Variants in SLC25A48 observed in about 807,000 individuals in gnomAD.
SLC25A48 encodes the protein CTC-321K16.1.
In SLC25A48, 29 loss-of-function variants were observed where a neutral mutation model predicts 32.2. That is an observed-to-expected ratio of 0.90 (90% confidence interval 0.67 to 1.23). SLC25A48 has a LOEUF of 1.23. SLC25A48 is among the 50% of genes most tolerant of loss of function. The pLI is 0.00. For synonymous variants in SLC25A48, 164 were observed against 172.3 expected, an observed-to-expected ratio of 0.95 and a Z score of 0.38; for missense variants, 399 against 422.7, an observed-to-expected ratio of 0.94 and a Z score of 0.49.
intron 2 of SLC25A48, among the ~76,000 whole-genome samples, chr5:135,849,728 T>C (rs1759683605): frequency 6.6e-6 from 1 of 152,108 alleles, no homozygotes; most frequent in South Asian, 2.1e-4. Flanking sequence ...AGGAAGAGCC[T>C]TCCAGAAGTG....
chr5:135,697,746 C>T (rs1754301117), intron 3 of SLC25A48, among the ~76,000 whole-genome samples: 2 of 152,190 alleles, frequency 1.3e-5, no homozygotes, highest in South Asian at 4.1e-4. Context: ...GCAGCCTTCT[C>T]CCAGGGCCTG....
At chr5:135,818,865 A>G (rs1430047202) in intron 4 of SLC25A48, among the ~76,000 whole-genome samples, 1 of 152,226 alleles carries the variant, frequency 6.6e-6, no homozygotes, top group Non-Finnish European at 1.5e-5. Flanking sequence ...GAAGTTCTCA[A>G]TAGAGAAATA....
At chr5:135,656,869 G>C (rs540158688) in intron 3 of SLC25A48, among the ~76,000 whole-genome samples, 1 of 152,300 alleles carries the variant, frequency 6.6e-6, no homozygotes, top group South Asian at 2.1e-4. Context: ...ATGTTTCTGA[G>C]GGACCAAGGC....
intron 3 of SLC25A48, among the ~76,000 whole-genome samples, chr5:135,732,736 C>T (rs544065729): frequency 5.0e-4 from 76 of 152,210 alleles, no homozygotes; most frequent in African/African-American, 1.8e-3. Context: ...TTCCTTGGTG[C>T]AAGAACCATT....
chr5:135,834,916 C>A (rs1424690095), intron 1 of SLC25A48, 23 bp downstream of exon 1: 4 of 1,597,448 alleles, frequency 2.5e-6, no homozygotes, highest in East Asian at 2.3e-5. Context: ...ACCGGGGACC[C>A]CCGGTCAGAG....
intron 3 of SLC25A48, among the ~76,000 whole-genome samples, chr5:135,776,265 C>A (rs1185041677): frequency 7.8e-6 from 1 of 127,752 alleles, no homozygotes; most frequent in Admixed American, 8.1e-5. Flanking sequence ...TTCCTCATAT[C>A]TGGGGGGTGG....
chr5:135,789,572 C>T (rs1395460348), intron 3 of SLC25A48, among the ~76,000 whole-genome samples: 3 of 151,366 alleles, frequency 2.0e-5, no homozygotes, highest in South Asian at 4.2e-4. Flanking sequence ...CAACCCTGTG[C>T]GATATGGTTT....
intron 3 of SLC25A48, among the ~76,000 whole-genome samples, chr5:135,703,791 G>A (rs1165097267): frequency 6.6e-6 from 1 of 152,180 alleles, no homozygotes; most frequent in Admixed American, 6.5e-5. Flanking sequence ...TGTGTGCCCA[G>A]CACTCAGCAT....
intron 2 of SLC25A48, among the ~76,000 whole-genome samples, chr5:135,847,901 T>A (rs1759547520): frequency 6.6e-6 from 1 of 152,194 alleles, no homozygotes. Flanking sequence ...GGTAATTTGT[T>A]ACAGCAGCAA....
intron 4 of SLC25A48, among the ~76,000 whole-genome samples, chr5:135,862,038 T>C (rs1423622079): frequency 1.3e-5 from 2 of 152,236 alleles, no homozygotes; most frequent in East Asian, 3.8e-4. Context: ...AAAAAACCCT[T>C]CCTTTTAAAA....
chr5:135,801,161 ATACCCTCTGTGATATTG>A (rs1461078175), intron 3 of SLC25A48, among the ~76,000 whole-genome samples: 3 of 151,180 alleles, frequency 2.0e-5, no homozygotes, highest in Admixed American at 6.6e-5. Context: ...CAGAAGGTGT[ATACCCTCTGTGATATTG>A]TTTGTAATAT....
intron 7 of SLC25A48, chr5:135,883,369 C>A (rs1413678251): frequency 2.0e-6 from 2 of 985,498 alleles, no homozygotes; most frequent in Non-Finnish European, 2.4e-6. Flanking sequence ...ACCCTCCCCC[C>A]ATGGCCATTG....
chr5:135,611,523 A>AAAAAAAAAAAG (rs1752067388), intron 1 of SLC25A48, among the ~76,000 whole-genome samples: 2 of 139,430 alleles, frequency 1.4e-5, no homozygotes, highest in African/African-American at 5.6e-5. Context: ...AAAAAAAAAA[A>AAAAAAAAAAAG]AAAAGAAAAA....
intron 3 of SLC25A48, among the ~76,000 whole-genome samples, chr5:135,731,055 G>A (rs566953672): frequency 6.6e-6 from 1 of 152,332 alleles, no homozygotes; most frequent in East Asian, 1.9e-4. Context: ...CAACAAGGCT[G>A]TTTATTTCAC....
intron 3 of SLC25A48, 40 bp downstream of exon 3, chr5:135,850,536 G>A (rs1463315835): frequency 4.4e-6 from 7 of 1,600,740 alleles, no homozygotes; most frequent in Middle Eastern, 1.8e-4. Context: ...GCCTGCCTGG[G>A]CCCCCACAGG....
chr5:135,836,974 C>G (rs1256814970), intron 1 of SLC25A48, among the ~76,000 whole-genome samples: 674 of 21,330 alleles, frequency 0.032, 22 homozygotes, highest in Middle Eastern at 0.05. Flanking sequence ...CCCCCCACCC[C>G]CCCCCCCCAC....
chr5:135,796,510 G>T (rs1227737370), intron 3 of SLC25A48, among the ~76,000 whole-genome samples: 2 of 151,412 alleles, frequency 1.3e-5, no homozygotes, highest in African/African-American at 2.4e-5. Context: ...CAATATCCTG[G>T]GGGTGAGAGG....
At chr5:135,710,980 T>C (rs17737205) in intron 3 of SLC25A48, among the ~76,000 whole-genome samples, 60,079 of 152,032 alleles carry the variant, frequency 0.4, 13,096 homozygotes, top group Non-Finnish European at 0.49. Context: ...AAGCTTTGAT[T>C]TGAAATATAA....
intron 3 of SLC25A48, among the ~76,000 whole-genome samples, chr5:135,851,388 G>A (rs1266897874): frequency 6.6e-6 from 1 of 152,176 alleles, no homozygotes; most frequent in African/African-American, 2.4e-5. Context: ...CCCTGAAAGC[G>A]GCTGTTGATT....
Sources: allele counts gnomAD v4.1 joint callset (sites outside exome capture counted in the v4.1 genomes callset), GRCh38; gene constraint gnomAD v4.1.1; transcripts MANE v1.5; gene names NCBI Gene and HGNC (gene_info 2026-07-23, HGNC 2026-07-21).